The following OTUD7A variants were observed in gnomAD, a reference collection of about 807,000 sequenced individuals.
OTUD7A encodes the protein OTU domain-containing protein 7A.
Under a neutral mutation model 65.7 loss-of-function variants are expected in OTUD7A, and 12 were observed. That is an observed-to-expected ratio of 0.18 (90% CI 0.12 to 0.30). The LOEUF (loss-of-function observed/expected upper bound fraction) is 0.30. Ranked by LOEUF, OTUD7A falls within the 10% of genes least tolerant of loss-of-function variation. The pLI is 1.00. For missense variants in OTUD7A, 1,148 were observed against 1,304.8 expected, an observed-to-expected ratio of 0.88 and a Z score of 1.85; for synonymous variants, 641 against 586.3, an observed-to-expected ratio of 1.09 and a Z score of -1.35.
intron 3 of OTUD7A, among the ~76,000 whole-genome samples, chr15:31,586,063 C>T (rs981914048): frequency 3.9e-5 from 6 of 152,192 alleles, no homozygotes; most frequent in Non-Finnish European, 8.8e-5. Context: ...GGTGAGGCTA[C>T]GCTGGTTCAC....
chr15:31,519,992 A>G (rs79371611), intron 8 of OTUD7A, among the ~76,000 whole-genome samples: 7,249 of 150,824 alleles, frequency 0.048, 214 homozygotes, highest in Middle Eastern at 0.11. Context: ...AAAATTGTCA[A>G]TGACACAAAT....
chr15:31,748,314 A>G (rs1894533632), intron 1 of OTUD7A, among the ~76,000 whole-genome samples: 1 of 151,692 alleles, frequency 6.6e-6, no homozygotes, highest in Non-Finnish European at 1.5e-5. Flanking sequence ...CAGAAAAAAA[A>G]CTCCACGATG....
At chr15:31,796,979 C>T (rs34680869) in intron 1 of OTUD7A, among the ~76,000 whole-genome samples, 39,646 of 152,200 alleles carry the variant, frequency 0.26, 6,521 homozygotes, top group Middle Eastern at 0.37. Context: ...GGTGATTCAC[C>T]CGCCTTGGCC....
At chr15:31,565,579 A>C (rs1405358253) in intron 4 of OTUD7A, among the ~76,000 whole-genome samples, 1 of 152,214 alleles carries the variant, frequency 6.6e-6, no homozygotes, top group African/African-American at 2.4e-5. Context: ...TAAGGTTTAG[A>C]TGGCAAAATA....
intron 1 of OTUD7A, among the ~76,000 whole-genome samples, chr15:31,860,677 G>GTGTATATATATGTATGTA (rs560896384): frequency 1.4e-5 from 1 of 73,284 alleles, no homozygotes; most frequent in African/African-American, 4.6e-5. Flanking sequence ...ATGTATGTGT[G>GTGTATATATATGTATGTA]TATATATATA....
At chr15:31,842,722 C>G (rs1056900924) in intron 1 of OTUD7A, among the ~76,000 whole-genome samples, 1 of 152,302 alleles carries the variant, frequency 6.6e-6, no homozygotes, top group Admixed American at 6.5e-5. Context: ...AAACCCTGAC[C>G]TACTTAGGGC....
intron 1 of OTUD7A, among the ~76,000 whole-genome samples, chr15:31,855,574 T>G (rs1159679924): frequency 1.3e-5 from 2 of 152,174 alleles, no homozygotes; most frequent in Non-Finnish European, 2.9e-5. Context: ...TACTGTGTGA[T>G]CCTGGAATCT....
intron 8 of OTUD7A, among the ~76,000 whole-genome samples, chr15:31,518,815 G>A (rs1269473964): frequency 6.6e-6 from 1 of 152,288 alleles, no homozygotes; most frequent in Non-Finnish European, 1.5e-5. Flanking sequence ...ATGTCCTGCT[G>A]TGGGCCTTTG....
At chr15:31,818,136 C>T (rs905556845) in intron 1 of OTUD7A, among the ~76,000 whole-genome samples, 5 of 152,174 alleles carry the variant, frequency 3.3e-5, no homozygotes, top group South Asian at 4.1e-4. Flanking sequence ...TATGCCAGTG[C>T]CTTGAAACTG....
At chr15:31,548,217 G>C (rs79434136) in intron 5 of OTUD7A, among the ~76,000 whole-genome samples, 331 of 67,366 alleles carry the variant, frequency 4.9e-3, no homozygotes, top group Middle Eastern at 0.037. Context: ...ATCTGTGGGC[G>C]CCCTGGGCCA....
intron 3 of OTUD7A, among the ~76,000 whole-genome samples, chr15:31,617,325 A>G (rs991214282): frequency 2.6e-5 from 4 of 152,088 alleles, no homozygotes; most frequent in African/African-American, 9.7e-5. Flanking sequence ...CGTCTCTACT[A>G]AAAATACAAA....
intron 8 of OTUD7A, 132 bp from the exon 9 acceptor site, chr15:31,503,950 G>T: frequency 9.6e-7 from 1 of 1,044,996 alleles, no homozygotes; most frequent in Non-Finnish European, 1.4e-6. Flanking sequence ...CGGCAGCTGC[G>T]CCATCCTGGG....
intron 12 of OTUD7A, among the ~76,000 whole-genome samples, chr15:31,486,776 T>G (rs980736351): frequency 2.0e-5 from 3 of 152,256 alleles, no homozygotes; most frequent in African/African-American, 4.8e-5. Context: ...TGTAATTAAT[T>G]CCGCTCTGCG....
intron 5 of OTUD7A, among the ~76,000 whole-genome samples, chr15:31,548,200 CCCCA>C (rs1888198157): frequency 3.0e-5 from 2 of 66,472 alleles, no homozygotes; most frequent in Non-Finnish European, 4.8e-5. Context: ...CCCGGGCCAC[CCCCA>C]TCATCTGTGG....
chr15:31,649,397 G>GT lies in OTUD7A; in HGVS notation c.151+5698dup, dbSNP rs1006376554. On this transcript the variant is annotated intron_variant, in intron 3 of 12. Coordinates refer to ENST00000307050, the MANE Select transcript of OTUD7A (RefSeq NM_001382637.1). ...GTACTGTGATTCCCATCATTGCAGT[G>GT]TTTTTTTAACTTTTTTTTTGAAATA... Among the ~76,000 whole-genome samples, 13 of 152,168 alleles carry GT rather than the reference G, an allele frequency of 8.5e-5. No individual in the cohort carries two copies. The South Asian group carries it at 1.0e-3, about 12-fold the overall frequency.
In OTUD7A at chr15:31,481,028, T is replaced by A. The variant is rs1215669420; in HGVS notation, c.*2266A>T. 7 of 152,266 alleles carry A rather than the reference T, an allele frequency of 4.6e-5. No individual in the cohort carries two copies. Among genetic ancestry groups the A allele is most frequent in the Admixed American group, 4.6e-4 (7 of 15,280 alleles). 9.4% of individuals were successfully genotyped at this position (152,266 alleles called of 1,614,324 possible). A position where few individuals can be genotyped will look rare whatever the true frequency, so the allele number is the denominator to read the frequency against. On this transcript the variant is annotated 3_prime_UTR_variant, in exon 13 of 13. Coordinates refer to ENST00000307050, the MANE Select transcript of OTUD7A (RefSeq NM_001382637.1). ...GTACTCTGCCTGGTTTGGAAGGTTT[T>A]CCTCTATTACAATGGACGGTTTTTA...
intron 1 of OTUD7A, among the ~76,000 whole-genome samples, chr15:31,808,011 C>T (rs937704523): frequency 1.3e-5 from 2 of 151,664 alleles, no homozygotes; most frequent in Admixed American, 6.6e-5. Context: ...ACTCAGAGCA[C>T]GTAGCACTTT....
chr15:31,805,026 C>T (rs939794344), intron 1 of OTUD7A, among the ~76,000 whole-genome samples: 5 of 152,354 alleles, frequency 3.3e-5, no homozygotes, highest in African/African-American at 1.2e-4. Flanking sequence ...TGTGCAGAAG[C>T]TCCTCGGCTG....
At chr15:31,809,844 C>T (rs1426919761) in intron 1 of OTUD7A, among the ~76,000 whole-genome samples, 1 of 152,230 alleles carries the variant, frequency 6.6e-6, no homozygotes, top group African/African-American at 2.4e-5. Context: ...TATTTATGCA[C>T]ATCAGTGATT....
Sources: gnomAD v4.1 joint callset for allele counts (sites outside exome capture counted in the v4.1 genomes callset) on GRCh38, gnomAD v4.1.1 for gene constraint, MANE v1.5 for transcripts, NCBI Gene and HGNC (gene_info 2026-07-23, HGNC 2026-07-21) for gene names.